RBFOX1: variants seen among roughly 807,000 people sequenced by gnomAD.
RBFOX1 encodes RNA binding fox-1 homolog 1.
RBFOX1 carries 8 observed loss-of-function variants against 57.7 expected under a neutral mutation model. The ratio of observed to expected loss-of-function variants is 0.14; its 90% CI spans 0.08 to 0.25. The LOEUF is 0.25. Among genes scored for constraint, RBFOX1 ranks in the 10% least tolerant of loss-of-function variants. RBFOX1 has a pLI of 1.00. For synonymous variants in RBFOX1, 326 were observed against 222.4 expected, an observed-to-expected ratio of 1.47 and a Z score of -4.15; for missense variants, 611 against 548.5, an observed-to-expected ratio of 1.11 and a Z score of -1.14.
intron 3 of RBFOX1, among the ~76,000 whole-genome samples, chr16:6,797,148 G>C (rs1013962116): frequency 2.0e-5 from 3 of 152,126 alleles, no homozygotes; most frequent in African/African-American, 7.2e-5. Flanking sequence ...TCTGCAGATA[G>C]GCAGCAGCAG....
At chr16:5,419,582 A>T (rs1393919908) in intron 1 of RBFOX1, among the ~76,000 whole-genome samples, 1 of 151,754 alleles carries the variant, frequency 6.6e-6, no homozygotes. Context: ...CCTTCATTCC[A>T]ATCAAGTTGA....
chr16:6,765,968 A>T (rs1216604407), intron 3 of RBFOX1, among the ~76,000 whole-genome samples: 3 of 152,066 alleles, frequency 2.0e-5, no homozygotes, highest in African/African-American at 7.2e-5. Flanking sequence ...GACATTGGAG[A>T]CTCAGAAGAT....
intron 2 of RBFOX1, among the ~76,000 whole-genome samples, chr16:6,374,788 A>T (rs1345854133): frequency 6.6e-6 from 1 of 152,232 alleles, no homozygotes; most frequent in African/African-American, 2.4e-5. Context: ...GAATTATAAA[A>T]CACCTTCCTT....
At chr16:6,982,341 C>T (rs1004013473) in intron 3 of RBFOX1, among the ~76,000 whole-genome samples, 5 of 152,306 alleles carry the variant, frequency 3.3e-5, no homozygotes, top group Middle Eastern at 3.4e-3. Flanking sequence ...TGTTGGCCAG[C>T]ATGTCATTTT....
intron 4 of RBFOX1, among the ~76,000 whole-genome samples, chr16:7,212,825 C>T (rs2091395613): frequency 3.9e-5 from 6 of 152,142 alleles, no homozygotes; most frequent in Admixed American, 3.9e-4. Flanking sequence ...TATCCCAGAA[C>T]TTAGAGTAAA....
intron 4 of RBFOX1, among the ~76,000 whole-genome samples, chr16:7,386,989 C>T (rs1453317666): frequency 6.6e-6 from 1 of 152,180 alleles, no homozygotes; most frequent in Non-Finnish European, 1.5e-5. Context: ...TGATAAAGAG[C>T]ATTTATTCAT....
intron 1 of RBFOX1, among the ~76,000 whole-genome samples, chr16:5,310,045 C>G (rs1483321019): frequency 2.6e-5 from 4 of 152,152 alleles, no homozygotes; most frequent in Non-Finnish European, 1.5e-5. Flanking sequence ...TCCTATTTTT[C>G]TCTTAGGATT....
chr16:6,030,172 C>A (rs1040379738), intron 1 of RBFOX1, among the ~76,000 whole-genome samples: 2 of 152,172 alleles, frequency 1.3e-5, no homozygotes, highest in African/African-American at 4.8e-5. Flanking sequence ...AAGCAATCTT[C>A]CCTTACAAAG....
chr16:5,674,639 G>T lies in RBFOX1; in HGVS notation c.318+75678G>T, dbSNP rs74004477. On this transcript the variant is annotated intron_variant, in intron 3 of 19. Coordinates refer to the RBFOX1 transcript ENST00000641259. ...TGGGTTAGTGCCAAAGTTATTGTGG[G>T]TTTTGCCATTACTTTTAATTATTTT... 8.7e-4 allele frequency among the ~76,000 whole-genome samples: 133 copies of T among 152,296 alleles called. 1 individual carries two copies. Among genetic ancestry groups the T allele is most frequent in the African/African-American group, 3.0e-3 (126 of 41,566 alleles).
At chr16:6,757,844 C>A (rs1479245914) in intron 3 of RBFOX1, among the ~76,000 whole-genome samples, 1 of 152,088 alleles carries the variant, frequency 6.6e-6, no homozygotes. Flanking sequence ...GTGATGGATA[C>A]CCCCAATTAC....
chr16:7,211,208 A>G lies in RBFOX1; in HGVS notation c.27+159110A>G, dbSNP rs142568586. On this transcript the variant is annotated intron_variant, in intron 4 of 15. Coordinates refer to ENST00000550418, the MANE Select transcript of RBFOX1 (RefSeq NM_018723.4). Reference sequence around the variant, plus strand: ...AGATCAAGACTGTCCTGGCTAACACAGTTAAACCCCGTCTCTACTAAAAAC... The same window carrying G: ...AGATCAAGACTGTCCTGGCTAACACGGTTAAACCCCGTCTCTACTAAAAAC... Among the ~76,000 whole-genome samples the G allele has an allele frequency of 8.8e-3, 1,330 of 151,856 alleles. 18 individuals carry two copies. Among genetic ancestry groups the G allele is most frequent in the African/African-American group, 0.03 (1,241 of 41,386 alleles).
intron 1 of RBFOX1, chr16:6,037,167 A>T (rs2095375977): frequency 1.3e-5 from 2 of 152,230 alleles, no homozygotes; most frequent in Non-Finnish European, 2.9e-5. Context: ...TTTAGAAATT[A>T]TCAGAAAAAA....
intron 3 of RBFOX1, among the ~76,000 whole-genome samples, chr16:5,824,750 T>G (rs922554924): frequency 2.0e-5 from 3 of 152,240 alleles, no homozygotes; most frequent in African/African-American, 7.2e-5. Flanking sequence ...TTCTACATTA[T>G]AACTGCACAC....
intron 1 of RBFOX1, among the ~76,000 whole-genome samples, chr16:6,048,151 G>A (rs1369755203): frequency 5.3e-5 from 8 of 152,280 alleles, no homozygotes; most frequent in South Asian, 2.1e-4. Context: ...CTATATAACA[G>A]CTCCATGGGG....
At chr16:5,587,859 A>G (rs1414429182) in intron 2 of RBFOX1, among the ~76,000 whole-genome samples, 1 of 152,220 alleles carries the variant, frequency 6.6e-6, no homozygotes, top group Non-Finnish European at 1.5e-5. Context: ...ACTTCCATGT[A>G]TGTACCCCAC....
chr16:5,281,838 G>T (rs959696323), intron 1 of RBFOX1, among the ~76,000 whole-genome samples: 1 of 152,152 alleles, frequency 6.6e-6, no homozygotes, highest in Admixed American at 6.5e-5. Flanking sequence ...TGAGTTTCTT[G>T]TAGATGTTGT....
chr16:6,959,087 A>G (rs1406197937), intron 3 of RBFOX1, among the ~76,000 whole-genome samples: 1 of 152,192 alleles, frequency 6.6e-6, no homozygotes, highest in Admixed American at 6.5e-5. Context: ...GCATAAAGAT[A>G]GGCATTTTCT....
chr16:6,800,657 T>G (rs1004942822), intron 3 of RBFOX1, among the ~76,000 whole-genome samples: 1 of 152,168 alleles, frequency 6.6e-6, no homozygotes, highest in Non-Finnish European at 1.5e-5. Flanking sequence ...TTTCTCTCCC[T>G]AAAATTTTTG....
At chr16:6,968,242 C>G (rs2153563317) in intron 3 of RBFOX1, among the ~76,000 whole-genome samples, 2 of 152,326 alleles carry the variant, frequency 1.3e-5, no homozygotes, top group East Asian at 3.9e-4. Context: ...GTGCCTTTAA[C>G]TCAGCAAAGA....
Sources: gnomAD v4.1 joint callset for allele counts (sites outside exome capture counted in the v4.1 genomes callset) on GRCh38, gnomAD v4.1.1 for gene constraint, MANE v1.5 for transcripts, NCBI Gene and HGNC (gene_info 2026-07-23, HGNC 2026-07-21) for gene names.